CCDC201: variants seen among roughly 807,000 people sequenced by gnomAD.
CCDC201 encodes the protein coiled-coil domain-containing protein 201.
intron 1 of CCDC201, among the ~76,000 whole-genome samples, 196 bp downstream of exon 1, chr7:45,872,794 C>A (rs1786756541): frequency 6.6e-6 from 1 of 152,196 alleles, no homozygotes; most frequent in South Asian, 2.1e-4. Flanking sequence ...GGTGTTAGTG[C>A]CCGGCCTGCC....
Position 45,872,045 on chromosome 7 carries a change from C to T in CCDC201, c.18+945G>A, listed in dbSNP as rs144186305. On this transcript the variant is annotated intron_variant, in intron 1 of 2. Coordinates refer to ENST00000636578, the Ensembl canonical transcript of CCDC201. ...GAGAGTTACTCTATAGAAGGATATT[C>T]GAAACAGCTAAAAACAATGTTTCCT... 5.3e-3 allele frequency among the ~76,000 whole-genome samples: 814 copies of T among 152,234 alleles called. 13 individuals are homozygous for T. The highest frequency in any genetic ancestry group is 0.019 in the African/African-American group (775 of 41,524).
chr7:45,865,157 C>A (rs1217696114), intron 2 of CCDC201, among the ~76,000 whole-genome samples: 1 of 152,174 alleles, frequency 6.6e-6, no homozygotes, highest in Non-Finnish European at 1.5e-5. Context: ...AGAGGATAAA[C>A]CAGGAAATGG....
chr7:45,861,447 A>T (rs952776590), exon 3 of CCDC201: 1 of 152,192 alleles, frequency 6.6e-6, no homozygotes, highest in Non-Finnish European at 1.5e-5. Flanking sequence ...ACAGTAAATA[A>T]ATTTTTATCA....
the CCDC201 span, among the ~76,000 whole-genome samples, chr7:45,882,019 C>T: frequency 1.3e-5 from 2 of 152,152 alleles, no homozygotes; most frequent in South Asian, 2.1e-4. Flanking sequence ...TACATCATCC[C>T]CTGTGTTGAT....
chr7:45,878,579 G>A, the CCDC201 span, among the ~76,000 whole-genome samples: 1 of 152,184 alleles, frequency 6.6e-6, no homozygotes, highest in Non-Finnish European at 1.5e-5. Context: ...CAGTACCTTG[G>A]CCACTTTTCA....
chr7:45,860,702 C>T (rs994952169), exon 3 of CCDC201: 3 of 152,192 alleles, frequency 2.0e-5, no homozygotes, highest in African/African-American at 4.8e-5. Context: ...GTCTCCTGTC[C>T]CCAAGAATTT....
chr7:45,876,897 A>G (rs1388262780), upstream of CCDC201, among the ~76,000 whole-genome samples: 1 of 152,232 alleles, frequency 6.6e-6, no homozygotes, highest in Non-Finnish European at 1.5e-5. Flanking sequence ...TGCGCAGGAC[A>G]CACAGGCTCT....
the CCDC201 span, among the ~76,000 whole-genome samples, chr7:45,878,731 G>C: frequency 6.6e-6 from 1 of 152,236 alleles, no homozygotes; most frequent in Non-Finnish European, 1.5e-5. Context: ...TGCCCCCCTA[G>C]GTCTCTGAAA....
At chr7:45,869,552 C>T (rs987000465) in intron 1 of CCDC201, among the ~76,000 whole-genome samples, 4 of 152,176 alleles carry the variant, frequency 2.6e-5, no homozygotes, top group Admixed American at 2.6e-4. Context: ...TACAGAGCTT[C>T]TACTGTGTTG....
rs567963887 is a variant in CCDC201, at chr7:45,868,808, C to A, written c.19-2314G>T. Among the ~76,000 whole-genome samples the A allele has an allele frequency of 2.0e-5, 3 of 152,272 alleles. No individual in the cohort carries two copies. The South Asian group carries it at 6.2e-4, about 32-fold the overall frequency. ...ACAGCTCTCATTTTCTAAGTGAATTCCTCTTGTTAAAGTCAAACAATATAG... is the reference window on the plus strand; with the variant it reads ...ACAGCTCTCATTTTCTAAGTGAATTACTCTTGTTAAAGTCAAACAATATAG... On this transcript the variant is annotated intron_variant, in intron 1 of 2. Coordinates refer to ENST00000636578, the Ensembl canonical transcript of CCDC201.
At chr7:45,880,969 G>A in the CCDC201 span, among the ~76,000 whole-genome samples, 44 of 152,232 alleles carry the variant, frequency 2.9e-4, no homozygotes, top group South Asian at 1.2e-3. Context: ...GGGGGTCATG[G>A]CATGAGTTCA....
exon 3 of CCDC201, chr7:45,863,031 G>C (rs1786622429): frequency 6.6e-6 from 1 of 152,260 alleles, no homozygotes; most frequent in Non-Finnish European, 1.5e-5. Flanking sequence ...GATGAAGCCA[G>C]CCCAAGGCAG....
At chr7:45,878,020 T>C (rs1786835135), upstream of CCDC201, among the ~76,000 whole-genome samples, 1 of 152,082 alleles carries the variant, frequency 6.6e-6, no homozygotes, top group Non-Finnish European at 1.5e-5. Context: ...AAGGGAGAAA[T>C]TGGGACTTCA....
the CCDC201 span, among the ~76,000 whole-genome samples, chr7:45,880,060 C>T: frequency 7.2e-5 from 11 of 152,072 alleles, no homozygotes; most frequent in South Asian, 4.2e-4. Flanking sequence ...CACTCCAGCC[C>T]GGGTGACAGA....
chr7:45,872,207 G>T (rs1172583313), intron 1 of CCDC201, among the ~76,000 whole-genome samples: 1 of 152,166 alleles, frequency 6.6e-6, no homozygotes, highest in African/African-American at 2.4e-5. Flanking sequence ...AATAGAAAAA[G>T]AATCCCTACT....
chr7:45,864,951 G>C (rs1308664686), intron 2 of CCDC201, among the ~76,000 whole-genome samples: 1 of 152,082 alleles, frequency 6.6e-6, no homozygotes, highest in Non-Finnish European at 1.5e-5. Flanking sequence ...GGCCCAGGGA[G>C]TGTCCTGCAG....
chr7:45,860,401 CAG>C (rs895837633), exon 3 of CCDC201: 1 of 152,320 alleles, frequency 6.6e-6, no homozygotes, highest in African/African-American at 2.4e-5. Flanking sequence ...AGCTTGGGCT[CAG>C]GGGCCTGACA....
At chr7:45,884,884 C>T in the CCDC201 span, among the ~76,000 whole-genome samples, 1 of 152,080 alleles carries the variant, frequency 6.6e-6, no homozygotes, top group African/African-American at 2.4e-5. Flanking sequence ...ACTCCTTTCC[C>T]CCACACCTAG....
the CCDC201 span, among the ~76,000 whole-genome samples, chr7:45,878,837 A>G: frequency 7.2e-5 from 11 of 152,212 alleles, no homozygotes; most frequent in African/African-American, 2.7e-4. Context: ...TCCCTAGACA[A>G]TGGGTTTTTA....
Sources: allele counts gnomAD v4.1 joint callset (sites outside exome capture counted in the v4.1 genomes callset), GRCh38; gene constraint gnomAD v4.1.1; transcripts MANE v1.5; gene names NCBI Gene and HGNC (gene_info 2026-07-23, HGNC 2026-07-21).